SLC35F5: variants seen among roughly 807,000 people sequenced by gnomAD.
SLC35F5 encodes solute carrier family 35 member F5, also known as HCV NS5A-transactivated protein 3.
Under a neutral mutation model 68.6 loss-of-function variants are expected in SLC35F5, and 54 were observed. That is an observed-to-expected ratio of 0.79 (90% CI 0.63 to 0.99). The LOEUF is 0.99. Among genes scored for constraint, SLC35F5 ranks in the 50% least tolerant of loss-of-function variants. The pLI is 0.00. For synonymous variants in SLC35F5, 211 were observed against 205.2 expected, an observed-to-expected ratio of 1.03 and a Z score of -0.24; for missense variants, 567 against 626.9, an observed-to-expected ratio of 0.90 and a Z score of 1.02.
chr2:113,741,962 T>C (rs1432246729), intron 7 of SLC35F5: 1 of 152,148 alleles, frequency 6.6e-6, no homozygotes, highest in East Asian at 1.9e-4. Flanking sequence ...AGATGCTCAG[T>C]ACAAATTTGA....
intron 3 of SLC35F5, among the ~76,000 whole-genome samples, chr2:113,754,602 C>G (rs1005245970): frequency 6.6e-6 from 1 of 152,078 alleles, no homozygotes; most frequent in African/African-American, 2.4e-5. Flanking sequence ...AATAGGTCAT[C>G]AATAAAGACA....
At position 113,731,638 on chromosome 2, in the gene SLC35F5, C is replaced by G; in HGVS notation, c.931G>C (p.Val311Leu). Residue 311 changes from valine (V) to leucine (L), a missense_variant, in exon 10 of 16, where the codon GTT (valine) becomes CTT (leucine). Coordinates refer to ENST00000245680, the MANE Select transcript of SLC35F5 (RefSeq NM_025181.5). ...GACCCTGCCAGGTTTACCAGTACAA[C>G]GCCTCCAATGCTATGAGAATAACAG... ...LLAVILSIGG[V>L]VLVNLAGSEK... is the part of the protein sequence containing the mutation. 6.2e-7 allele frequency: 1 copy of G among 1,612,568 alleles called. No homozygotes were observed. Among genetic ancestry groups the G allele is most frequent in the Non-Finnish European group, 8.5e-7 (1 of 1,178,862 alleles).
chr2:113,725,395 T>G lies in SLC35F5; in HGVS notation c.1233A>C (p.Ser411=), dbSNP rs1559328574. Residue 411 remains serine, a synonymous_variant, in exon 12 of 16, where the codon TCA becomes TCC. Coordinates refer to ENST00000245680, the MANE Select transcript of SLC35F5 (RefSeq NM_025181.5). ...IINGLIGTVL[S]EFLWLWGCFL... Reference sequence around the variant, plus strand: ...GTACATACCACAACCACAGGAACTCTGAGAGTACTGTTCCAATAAGGCCAT... The same window carrying G: ...GTACATACCACAACCACAGGAACTCGGAGAGTACTGTTCCAATAAGGCCAT... The G allele has an allele frequency of 6.2e-7, 1 of 1,602,966 alleles. No individual in the cohort carries two copies.
chr2:113,723,204 AG>A lies in SLC35F5; in HGVS notation c.1251-11del. ...GGTAAGAAAGCAGCCCCTAAAAAAA[AG>A]AAAATATACATTTCTATATTTAAAA... On this transcript the variant is annotated splice_polypyrimidine_tract_variant and intron_variant, in intron 12 of 15. Coordinates refer to ENST00000245680, the MANE Select transcript of SLC35F5 (RefSeq NM_025181.5). 1 of 1,560,650 alleles carries A rather than the reference AG, an allele frequency of 6.4e-7. No individual in the cohort carries two copies. Among genetic ancestry groups the A allele is most frequent in the East Asian group, 2.3e-5 (1 of 43,770 alleles).
At chr2:113,706,005 T>A (rs1686789957), downstream of SLC35F5, among the ~76,000 whole-genome samples, 1 of 152,028 alleles carries the variant, frequency 6.6e-6, no homozygotes, top group Non-Finnish European at 1.5e-5. Context: ...CTTTCTGGAG[T>A]GGACTTGACA....
intron 13 of SLC35F5, 37 bp from the exon 14 acceptor site, chr2:113,719,345 A>G: frequency 6.6e-7 from 1 of 1,513,224 alleles, no homozygotes; most frequent in Non-Finnish European, 8.7e-7. Context: ...CACACCCACA[A>G]TTATCATTAA....
In SLC35F5 at chr2:113,714,759, T is replaced by C. The variant is rs113887892; in HGVS notation, c.*459A>G. ...CAATATTCTACAAAACCCAAAAATA[T>C]AATCCACACTTATTACAGGTAGCTT... On this transcript the variant is annotated 3_prime_UTR_variant, in exon 16 of 16. Transcript: ENST00000245680. 1.3e-5 allele frequency: 2 copies of C among 152,366 alleles called. No individual in the cohort carries two copies. The highest frequency in any genetic ancestry group is 4.8e-5 in the African/African-American group (2 of 41,456). 9.4% of individuals were successfully genotyped at this position (152,366 alleles called of 1,614,324 possible). A position where few individuals can be genotyped will look rare whatever the true frequency, so the allele number is the denominator to read the frequency against.
chr2:113,712,630 T>C lies in SLC35F5; in HGVS notation c.*2588A>G, dbSNP rs1687030949. The stretch of plus-strand genomic sequence containing the variant: ...ACGCCCGGCCCAAAAGCATTTACTG[T>C]TAAGGCTGCCTCATTTTTCAGCTTT... On this transcript the variant is annotated 3_prime_UTR_variant, in exon 16 of 16. Transcript: ENST00000245680. 6.6e-6 allele frequency among the ~76,000 whole-genome samples: 1 copy of C among 152,226 alleles called. No homozygotes were observed. Among genetic ancestry groups the C allele is most frequent in the Non-Finnish European group, 1.5e-5 (1 of 68,030 alleles).
At chr2:113,735,899 A>C in intron 7 of SLC35F5, 41 bp from the exon 8 acceptor site, 15 of 1,207,970 alleles carry the variant, frequency 1.2e-5, no homozygotes, top group Non-Finnish European at 1.8e-5. Context: ...AATGAAAGAC[A>C]TGTTTACATC....
Position 113,719,137 on chromosome 2 carries a change from A to AT in SLC35F5, c.1496+16dup. On this transcript the variant is annotated intron_variant, in intron 14 of 15. Transcript: ENST00000245680. ...GCAAACACTATTTTTAAAAATGTGT[A>AT]TTGGGACTAAACTTACCTCTGAATT... The AT allele has an allele frequency of 6.3e-7, 1 of 1,597,154 alleles. No individual in the cohort carries two copies. The highest frequency in any genetic ancestry group is 8.5e-7 in the Non-Finnish European group (1 of 1,175,762).
intron 5 of SLC35F5, 33 bp downstream of exon 5, chr2:113,746,244 C>G: frequency 6.4e-7 from 1 of 1,571,588 alleles, no homozygotes; most frequent in African/African-American, 1.3e-5. Flanking sequence ...TCAACCCCAC[C>G]TCTCTATTCC....
chr2:113,722,936 T>C (rs980139814), intron 13 of SLC35F5, among the ~76,000 whole-genome samples, 168 bp downstream of exon 13: 1 of 152,220 alleles, frequency 6.6e-6, no homozygotes, highest in African/African-American at 2.4e-5. Context: ...GGAAATTATC[T>C]ATTTCTTCGG....
chr2:113,742,607 A>G (rs1057238729), intron 7 of SLC35F5, 85 bp downstream of exon 7: 53 of 1,338,364 alleles, frequency 4.0e-5, no homozygotes, highest in African/African-American at 1.5e-4. Context: ...ATTGTCTCAC[A>G]CTTCAATCCT....
intron 14 of SLC35F5, among the ~76,000 whole-genome samples, chr2:113,718,679 C>A (rs374341663): frequency 6.6e-6 from 1 of 152,120 alleles, no homozygotes; most frequent in South Asian, 2.1e-4. Flanking sequence ...CCTGTAATCC[C>A]AGCTACTCAG....
chr2:113,725,581 C>A, intron 11 of SLC35F5, 44 bp from the exon 12 acceptor site: 1 of 1,498,312 alleles, frequency 6.7e-7, no homozygotes, highest in East Asian at 2.4e-5. Context: ...TGATTTATTT[C>A]TATTTTCCAA....
At chr2:113,727,878 AT>A (rs1288019836) in intron 11 of SLC35F5, among the ~76,000 whole-genome samples, 2 of 152,236 alleles carry the variant, frequency 1.3e-5, no homozygotes, top group African/African-American at 4.8e-5. Flanking sequence ...CAATGTATAA[AT>A]TTTTAAAAAG....
chr2:113,755,588 C>G (rs1447287192), intron 1 of SLC35F5, 44 bp from the exon 2 acceptor site: 1 of 1,534,866 alleles, frequency 6.5e-7, no homozygotes, highest in Non-Finnish European at 9.0e-7. Context: ...GTGAATAACT[C>G]AAGGTAAGAT....
In SLC35F5 at chr2:113,756,510, A is replaced by C; in HGVS notation, c.-101T>G. 6.6e-7 allele frequency: 1 copy of C among 1,510,126 alleles called. No individual in the cohort carries two copies. The highest frequency in any genetic ancestry group is 2.5e-5 in the East Asian group (1 of 40,376). 93.5% of individuals were successfully genotyped at this position (1,510,126 alleles called of 1,614,324 possible). On this transcript the variant is annotated 5_prime_UTR_variant, in exon 1 of 16. Coordinates refer to ENST00000245680, the MANE Select transcript of SLC35F5 (RefSeq NM_025181.5). ...TGACATCGCGCCGCACTGGAGGCCC[A>C]GCTCCTGAAGACGCGGTGCCCCTCA...
intron 13 of SLC35F5, among the ~76,000 whole-genome samples, chr2:113,720,766 GAATA>G (rs1687399859): frequency 6.6e-6 from 1 of 152,086 alleles, no homozygotes; most frequent in Non-Finnish European, 1.5e-5. Context: ...ATTATTTCAT[GAATA>G]TTCAACTAAA....
Sources: allele counts gnomAD v4.1 joint callset (sites outside exome capture counted in the v4.1 genomes callset), GRCh38; gene constraint gnomAD v4.1.1; transcripts MANE v1.5; gene names NCBI Gene and HGNC (gene_info 2026-07-23, HGNC 2026-07-21).